Variants in CNTNAP5 observed in about 807,000 individuals in gnomAD.
CNTNAP5 encodes the protein contactin-associated protein-like 5.
CNTNAP5 carries 72 observed loss-of-function variants against 150.2 expected under a neutral mutation model. The observed-to-expected ratio is 0.48, with a 90% CI of 0.40 to 0.58. The LOEUF (loss-of-function observed/expected upper bound fraction) is 0.58. Among genes scored for constraint, CNTNAP5 ranks in the 20% least tolerant of loss-of-function variants. CNTNAP5 has a pLI of 0.00. For missense variants in CNTNAP5, 1,636 were observed against 1,626.2 expected (o/e 1.01, Z -0.10); for synonymous variants, 672 against 619.8 (o/e 1.08, Z -1.25).
chr2:124,583,550 A>C (rs1324519234), intron 11 of CNTNAP5, among the ~76,000 whole-genome samples: 3 of 152,212 alleles, frequency 2.0e-5, no homozygotes, highest in Non-Finnish European at 4.4e-5. Context: ...ACTTTTGTGA[A>C]GTTTAATAGC....
chr2:124,527,330 A>T lies in CNTNAP5; in HGVS notation c.1523A>T (p.Lys508Met). Reference sequence around the variant, plus strand: ...GATTCCCAATGTTTAAATCCCATTAAGGCTTTCCAAGGCTGCATGAGGCTC... The same window carrying T: ...GATTCCCAATGTTTAAATCCCATTATGGCTTTCCAAGGCTGCATGAGGCTC... ...LTDSQCLNPI[K>M]AFQGCMRLIF... The change falls in exon 10 of 24, where the codon AAG becomes ATG. Residue 508 changes from lysine (K) to methionine (M), a missense_variant. Lys to Met is a moderately conservative substitution (Grantham distance 95). Transcript: ENST00000682447. 6.2e-7 allele frequency: 1 copy of T among 1,613,792 alleles called. No homozygotes were observed. Among genetic ancestry groups the T allele is most frequent in the South Asian group, 1.1e-5 (1 of 91,082 alleles).
chr2:124,606,626 T>A (rs986887740), intron 11 of CNTNAP5, among the ~76,000 whole-genome samples: 3 of 152,182 alleles, frequency 2.0e-5, no homozygotes, highest in Admixed American at 2.0e-4. Context: ...GAGGTTTAAT[T>A]GGACTCACAG....
intron 21 of CNTNAP5, among the ~76,000 whole-genome samples, chr2:124,896,625 G>C (rs1558817514): frequency 6.6e-6 from 1 of 151,212 alleles, no homozygotes. Context: ...TGAAACCTCT[G>C]CCTCCTAGGT....
intron 17 of CNTNAP5, among the ~76,000 whole-genome samples, chr2:124,789,346 A>T (rs139327885): frequency 1.3e-5 from 2 of 152,118 alleles, no homozygotes; most frequent in African/African-American, 2.4e-5. Context: ...TTGTATGTAT[A>T]CGGAAAGAGC....
At chr2:124,853,608 T>C (rs2104705741) in intron 19 of CNTNAP5, among the ~76,000 whole-genome samples, 1 of 152,350 alleles carries the variant, frequency 6.6e-6, no homozygotes, top group East Asian at 1.9e-4. Context: ...ATCTTGCTTC[T>C]ACAAAACTTC....
intron 1 of CNTNAP5, among the ~76,000 whole-genome samples, chr2:124,172,862 T>A: frequency 6.6e-6 from 1 of 152,226 alleles, no homozygotes; most frequent in East Asian, 1.9e-4. Flanking sequence ...GGCACCTCAC[T>A]TTTTTGCACT....
chr2:124,685,759 T>C (rs1305859334), intron 13 of CNTNAP5, among the ~76,000 whole-genome samples: 3 of 127,536 alleles, frequency 2.4e-5, no homozygotes, highest in African/African-American at 5.7e-5. Context: ...TGTGTGTGTG[T>C]GTGCGCGCGC....
At chr2:124,816,394 G>T (rs569732151) in intron 19 of CNTNAP5, among the ~76,000 whole-genome samples, 3 of 151,754 alleles carry the variant, frequency 2.0e-5, no homozygotes, top group African/African-American at 7.3e-5. Flanking sequence ...TTCTTTCTGG[G>T]CTGCCATCCA....
At chr2:124,148,278 A>C (rs1296888888) in intron 1 of CNTNAP5, among the ~76,000 whole-genome samples, 1 of 151,440 alleles carries the variant, frequency 6.6e-6, no homozygotes, top group Non-Finnish European at 1.5e-5. Flanking sequence ...CAGCCTGGGC[A>C]ACAGAGCGAG....
At chr2:124,302,988 G>A (rs1203719648) in intron 3 of CNTNAP5, among the ~76,000 whole-genome samples, 3 of 152,092 alleles carry the variant, frequency 2.0e-5, no homozygotes, top group East Asian at 1.9e-4. Context: ...TTCTGACTAC[G>A]TAGATTTGCT....
chr2:124,410,142 A>C (rs1040620539), intron 3 of CNTNAP5, among the ~76,000 whole-genome samples: 1 of 152,170 alleles, frequency 6.6e-6, no homozygotes, highest in Non-Finnish European at 1.5e-5. Flanking sequence ...AGGCCATTAC[A>C]TAATGGTAAA....
At chr2:124,244,687 G>C (rs184798119) in intron 3 of CNTNAP5, among the ~76,000 whole-genome samples, 1 of 152,108 alleles carries the variant, frequency 6.6e-6, no homozygotes, top group Non-Finnish European at 1.5e-5. Flanking sequence ...ATAGAGTGGC[G>C]TTAGGCAGGA....
At chr2:124,327,595 C>T (rs1380114862) in intron 3 of CNTNAP5, among the ~76,000 whole-genome samples, 1 of 152,162 alleles carries the variant, frequency 6.6e-6, no homozygotes, top group Non-Finnish European at 1.5e-5. Flanking sequence ...GAGGCTTCAT[C>T]TGCATAATAA....
intron 11 of CNTNAP5, among the ~76,000 whole-genome samples, chr2:124,589,783 G>A (rs1696639168): frequency 6.6e-6 from 1 of 152,120 alleles, no homozygotes; most frequent in Non-Finnish European, 1.5e-5. Flanking sequence ...TAGTTCCATG[G>A]AATTTTAACC....
At chr2:124,646,613 A>G (rs1678207135) in intron 12 of CNTNAP5, among the ~76,000 whole-genome samples, 1 of 152,228 alleles carries the variant, frequency 6.6e-6, no homozygotes, top group South Asian at 2.1e-4. Flanking sequence ...GAGGATGTTC[A>G]GAATTAAATT....
chr2:124,798,866 T>G (rs1373245492), intron 19 of CNTNAP5, among the ~76,000 whole-genome samples: 1 of 152,062 alleles, frequency 6.6e-6, no homozygotes, highest in African/African-American at 2.4e-5. Context: ...AATGACAAAT[T>G]GTGGCATTTG....
chr2:124,524,231 G>A, intron 8 of CNTNAP5, 72 bp from the exon 9 acceptor site: 1 of 1,517,926 alleles, frequency 6.6e-7, no homozygotes, highest in Non-Finnish European at 9.1e-7. Context: ...CAGCAGGCTG[G>A]GAAATGAGCC....
At chr2:124,794,602 C>A (rs977308422) in intron 18 of CNTNAP5, among the ~76,000 whole-genome samples, 8 of 152,240 alleles carry the variant, frequency 5.3e-5, no homozygotes, top group African/African-American at 1.9e-4. Context: ...GTCCAGAAAT[C>A]ATTTAATACT....
intron 11 of CNTNAP5, among the ~76,000 whole-genome samples, chr2:124,591,035 A>G (rs1427167746): frequency 6.6e-6 from 1 of 152,196 alleles, no homozygotes; most frequent in East Asian, 1.9e-4. Context: ...GTCCAGCTAC[A>G]TTATACATCT....
Sources: gnomAD v4.1 joint callset for allele counts (sites outside exome capture counted in the v4.1 genomes callset) on GRCh38, gnomAD v4.1.1 for gene constraint, MANE v1.5 for transcripts, NCBI Gene and HGNC (gene_info 2026-07-23, HGNC 2026-07-21) for gene names.